SLIT3: variants seen among roughly 807,000 people sequenced by gnomAD.
SLIT3 encodes the protein slit homolog 3 protein.
A neutral mutation model predicts 184.0 loss-of-function variants in SLIT3; 68 were observed. The observed-to-expected ratio is 0.37, with a 90% CI of 0.30 to 0.45. SLIT3 has a LOEUF of 0.45. SLIT3 is among the 20% of genes least tolerant of loss of function. The pLI is 1.00. For synonymous variants in SLIT3, 831 were observed against 828.6 expected (o/e 1.00, Z -0.05); for missense variants, 1,707 against 2,026.0 (o/e 0.84, Z 3.02).
At chr5:169,058,233 G>A (rs1321048758) in intron 4 of SLIT3, among the ~76,000 whole-genome samples, 3 of 152,232 alleles carry the variant, frequency 2.0e-5, no homozygotes, top group Non-Finnish European at 4.4e-5. Flanking sequence ...ATGCCATGCG[G>A]CAAAGTGCAG....
chr5:169,051,519 T>C (rs976469545), intron 4 of SLIT3, among the ~76,000 whole-genome samples: 2 of 152,200 alleles, frequency 1.3e-5, no homozygotes, highest in African/African-American at 4.8e-5. Context: ...GGGCCCAGGA[T>C]AATTAACCAA....
chr5:168,815,908 C>T (rs751523895), intron 8 of SLIT3, among the ~76,000 whole-genome samples: 3 of 152,334 alleles, frequency 2.0e-5, no homozygotes, highest in East Asian at 1.9e-4. Context: ...AGTGCTTAAG[C>T]TCCCTGGGGT....
chr5:169,156,448 A>T (rs1406044374), intron 4 of SLIT3, among the ~76,000 whole-genome samples: 1 of 152,210 alleles, frequency 6.6e-6, no homozygotes, highest in Non-Finnish European at 1.5e-5. Context: ...GCCTGTCAAT[A>T]GTCCTCGTGT....
chr5:169,092,211 G>A (rs1278319433), intron 4 of SLIT3, among the ~76,000 whole-genome samples: 1 of 152,114 alleles, frequency 6.6e-6, no homozygotes, highest in African/African-American at 2.4e-5. Context: ...TGACAAGAGT[G>A]AAACTCTGTT....
chr5:169,053,491 G>C (rs1757882518), intron 4 of SLIT3, among the ~76,000 whole-genome samples: 1 of 152,174 alleles, frequency 6.6e-6, no homozygotes, highest in South Asian at 2.1e-4. Flanking sequence ...AATGTGCTAA[G>C]TATTTGTAGA....
At chr5:168,804,183 C>T (rs922215864) in intron 9 of SLIT3, among the ~76,000 whole-genome samples, 3 of 151,456 alleles carry the variant, frequency 2.0e-5, no homozygotes, top group Non-Finnish European at 4.4e-5. Flanking sequence ...GTGGCAGGCA[C>T]CTATAATCCC....
chr5:169,269,230 G>T (rs1052600789), intron 1 of SLIT3, among the ~76,000 whole-genome samples: 4 of 152,184 alleles, frequency 2.6e-5, no homozygotes, highest in Admixed American at 6.5e-5. Flanking sequence ...TAAACCCTTT[G>T]GATCCAATGA....
chr5:168,757,457 G>A (rs1328128817), intron 16 of SLIT3, among the ~76,000 whole-genome samples: 2 of 152,036 alleles, frequency 1.3e-5, no homozygotes, highest in African/African-American at 2.4e-5. Flanking sequence ...TTTTTGAGAC[G>A]GAGTCTCACT....
At chr5:169,004,915 G>T (rs140579013) in intron 4 of SLIT3, among the ~76,000 whole-genome samples, 43 of 152,248 alleles carry the variant, frequency 2.8e-4, no homozygotes, top group African/African-American at 9.6e-4. Context: ...CTCCAGAACT[G>T]TGAAAAATAA....
At chr5:168,828,658 CA>C (rs56974958) in intron 6 of SLIT3, among the ~76,000 whole-genome samples, 19,319 of 97,078 alleles carry the variant, frequency 0.2, 2,256 homozygotes, top group African/African-American at 0.36. Flanking sequence ...GATCCTGACT[CA>C]AAAAAAAAAA....
At chr5:168,939,231 T>C (rs1049579406) in intron 4 of SLIT3, among the ~76,000 whole-genome samples, 1 of 152,196 alleles carries the variant, frequency 6.6e-6, no homozygotes, top group African/African-American at 2.4e-5. Flanking sequence ...AGGAAGGGCC[T>C]TCAGGTATCA....
At chr5:169,192,020 C>T (rs1298691071) in intron 4 of SLIT3, among the ~76,000 whole-genome samples, 1 of 152,168 alleles carries the variant, frequency 6.6e-6, no homozygotes, top group Non-Finnish European at 1.5e-5. Context: ...CAATGCAGTA[C>T]TGGGTGGAGA....
At chr5:169,088,990 A>AGC (rs1759448923) in intron 4 of SLIT3, among the ~76,000 whole-genome samples, 1 of 130,576 alleles carries the variant, frequency 7.7e-6, no homozygotes, top group Non-Finnish European at 1.6e-5. Context: ...ACTGAACTCC[A>AGC]GCCTGGGAGA....
intron 4 of SLIT3, among the ~76,000 whole-genome samples, chr5:169,113,478 G>C (rs1301092779): frequency 6.6e-6 from 1 of 152,022 alleles, no homozygotes; most frequent in Non-Finnish European, 1.5e-5. Flanking sequence ...ATGGACACTT[G>C]AGTTGCTTCT....
At chr5:169,114,851 G>T (rs1343178068) in intron 4 of SLIT3, among the ~76,000 whole-genome samples, 1 of 152,146 alleles carries the variant, frequency 6.6e-6, no homozygotes, top group Non-Finnish European at 1.5e-5. Context: ...TGGCAGCCGT[G>T]GGCTGTTGGC....
intron 4 of SLIT3, among the ~76,000 whole-genome samples, chr5:169,106,126 T>A (rs1309467687): frequency 6.6e-6 from 1 of 152,088 alleles, no homozygotes; most frequent in Non-Finnish European, 1.5e-5. Flanking sequence ...GATGGGTTGA[T>A]GTGTGCAGAA....
intron 1 of SLIT3, among the ~76,000 whole-genome samples, chr5:169,293,131 C>T (rs998335931): frequency 2.0e-5 from 3 of 151,994 alleles, no homozygotes; most frequent in East Asian, 1.9e-4. Flanking sequence ...AAGGAGACTC[C>T]GGTAAATGGG....
At chr5:168,819,254 CA>C (rs1346001995) in intron 7 of SLIT3, among the ~76,000 whole-genome samples, 1 of 152,220 alleles carries the variant, frequency 6.6e-6, no homozygotes, top group Non-Finnish European at 1.5e-5. Flanking sequence ...GGAGGGAAAG[CA>C]AAACCTCTGT....
chr5:169,147,970 T>A (rs541828085), intron 4 of SLIT3, among the ~76,000 whole-genome samples: 1 of 151,810 alleles, frequency 6.6e-6, no homozygotes, highest in African/African-American at 2.4e-5. Flanking sequence ...GGAAGCCCCC[T>A]TTTTTTCTTA....
Sources: gnomAD v4.1 joint callset for allele counts (sites outside exome capture counted in the v4.1 genomes callset) on GRCh38, gnomAD v4.1.1 for gene constraint, MANE v1.5 for transcripts, NCBI Gene and HGNC (gene_info 2026-07-23, HGNC 2026-07-21) for gene names.